ACACA: variants seen among roughly 807,000 people sequenced by gnomAD.
ACACA encodes acetyl-CoA carboxylase 1.
A neutral mutation model predicts 296.1 loss-of-function variants in ACACA; 103 were observed. The ratio of observed to expected loss-of-function variants is 0.35; its 90% CI spans 0.30 to 0.41. The LOEUF (loss-of-function observed/expected upper bound fraction) is 0.41, where lower values mean the gene tolerates loss of function less well. ACACA is among the 10% of genes least tolerant of loss of function. ACACA has a pLI of 1.00. For synonymous variants in ACACA, 953 were observed against 1,038.6 expected (o/e 0.92, Z 1.58); for missense variants, 1,554 against 2,989.7 (o/e 0.52, Z 11.20).
chr17:37,207,058 AG>A (rs1270938990), intron 31 of ACACA, among the ~76,000 whole-genome samples, 179 bp from the exon 32 acceptor site: 4 of 152,242 alleles, frequency 2.6e-5, no homozygotes, highest in Admixed American at 6.5e-5. Flanking sequence ...AGAAATTAGG[AG>A]GATGGATTGT....
chr17:37,319,394 T>C (rs994750305), intron 3 of ACACA, among the ~76,000 whole-genome samples: 1 of 152,190 alleles, frequency 6.6e-6, no homozygotes, highest in Non-Finnish European at 1.5e-5. Flanking sequence ...TATGAATATA[T>C]ACATATATGC....
chr17:37,199,675 C>A (rs906968349), intron 35 of ACACA, among the ~76,000 whole-genome samples: 2 of 152,058 alleles, frequency 1.3e-5, no homozygotes. Context: ...TCCAAGACCA[C>A]AAAATGCAAC....
At position 37,200,445 on chromosome 17, in the gene ACACA, A is replaced by T; in HGVS notation, c.4095T>A (p.Thr1365=). The T allele has an allele frequency of 6.2e-7, 1 of 1,613,288 alleles. No individual in the cohort carries two copies. The highest frequency in any genetic ancestry group is 8.5e-7 in the Non-Finnish European group (1 of 1,179,220). The change falls in exon 34 of 56, where the codon ACT becomes ACA. Residue 1365 remains threonine, a synonymous_variant. Transcript: ENST00000616317. The part of the protein sequence containing the change: ...TLVDHGIRRL[T]FLVAQKDFRK... ...TCAGTACCTTTTGTGCAACCAGGAA[A>T]GTAAGGCGCCGGATCCCATGGTCAA...
intron 3 of ACACA, among the ~76,000 whole-genome samples, chr17:37,322,729 C>T (rs548481041): frequency 9.2e-5 from 14 of 152,144 alleles, no homozygotes; most frequent in African/African-American, 3.4e-4. Flanking sequence ...AATGGTGGAA[C>T]GACAAGGCAG....
intron 41 of ACACA, among the ~76,000 whole-genome samples, chr17:37,176,841 A>G (rs1312222618): frequency 6.6e-6 from 1 of 152,178 alleles, no homozygotes; most frequent in Non-Finnish European, 1.5e-5. Context: ...CCTATAATCT[A>G]GCTAAGGCCA....
At chr17:37,137,438 CTAT>C (rs2075379814) in intron 45 of ACACA, among the ~76,000 whole-genome samples, 1 of 151,982 alleles carries the variant, frequency 6.6e-6, no homozygotes, top group Non-Finnish European at 1.5e-5. Flanking sequence ...CATGAAAGGC[CTAT>C]TATTGTCTTT....
chr17:37,224,121 G>C (rs2079425881), intron 27 of ACACA, among the ~76,000 whole-genome samples: 1 of 152,220 alleles, frequency 6.6e-6, no homozygotes, highest in South Asian at 2.1e-4. Context: ...AGAATCGCTT[G>C]AACTCAGGAG....
rs2082033029 is a variant in ACACA at position 37,270,776 on chromosome 17, T to A, written c.1094A>T (p.Asp365Val). 1 of 1,613,628 alleles carries A rather than the reference T, an allele frequency of 6.2e-7. No individual in the cohort carries two copies. The highest frequency in any genetic ancestry group is 8.5e-7 in the Non-Finnish European group (1 of 1,179,586). ...CTGTCTGAAGAGATTAGGGAAGTCA[T>A]CTGCATTGTTGACTTTTCTAATTCC... ...GKGIRKVNNA[D>V]DFPNLFRQVQ... is the part of the protein sequence containing the mutation. Residue 365 changes from aspartate to valine, a missense_variant, in exon 10 of 56, where the codon GAT becomes GTT. Asp to Val is a radical substitution (Grantham distance 152). Coordinates refer to ENST00000616317, the MANE Select transcript of ACACA (RefSeq NM_198834.3).
chr17:37,131,801 GAAAGCA>G (rs1214999677), intron 45 of ACACA, among the ~76,000 whole-genome samples: 4 of 152,232 alleles, frequency 2.6e-5, no homozygotes, highest in Admixed American at 6.5e-5. Context: ...AAGGAATATG[GAAAGCA>G]AAATTGCTCT....
chr17:37,258,482 C>T, intron 12 of ACACA, 109 bp from the exon 13 acceptor site: 1 of 1,046,826 alleles, frequency 9.6e-7, no homozygotes, highest in Non-Finnish European at 1.4e-6. Flanking sequence ...CTCCCTAAAA[C>T]ATTCTATTTT....
intron 3 of ACACA, among the ~76,000 whole-genome samples, chr17:37,325,199 CAAAA>C (rs570719773): frequency 1.0e-5 from 1 of 98,442 alleles, no homozygotes; most frequent in Non-Finnish European, 2.1e-5. Flanking sequence ...GACTCCCTCT[CAAAA>C]AAAAAAAAAA....
intron 3 of ACACA, among the ~76,000 whole-genome samples, chr17:37,310,876 C>G (rs537032276): frequency 6.7e-6 from 1 of 150,158 alleles, no homozygotes; most frequent in Non-Finnish European, 1.5e-5. Flanking sequence ...TGAAAGTATT[C>G]AACACTCAAA....
chr17:37,354,617 TAC>T (rs1334003273), intron 1 of ACACA, among the ~76,000 whole-genome samples: 1 of 152,206 alleles, frequency 6.6e-6, no homozygotes, highest in Non-Finnish European at 1.5e-5. Flanking sequence ...CAGTACTCAT[TAC>T]AGTTTTTTAA....
At chr17:37,307,087 T>A (rs539765427) in intron 3 of ACACA, among the ~76,000 whole-genome samples, 1 of 152,360 alleles carries the variant, frequency 6.6e-6, no homozygotes, top group South Asian at 2.1e-4. Context: ...AGTAGTTTGT[T>A]CATTTTCATT....
At chr17:37,207,941 T>C in intron 30 of ACACA, 141 bp from the exon 31 acceptor site, 2 of 878,494 alleles carry the variant, frequency 2.3e-6, no homozygotes, top group South Asian at 1.4e-5. Flanking sequence ...TTACCCACTA[T>C]GGATAAGGTT....
At chr17:37,312,149 G>A (rs1034735741) in intron 3 of ACACA, among the ~76,000 whole-genome samples, 3 of 152,180 alleles carry the variant, frequency 2.0e-5, no homozygotes, top group South Asian at 4.2e-4. Flanking sequence ...TCAGGGAAAT[G>A]GCATTTCAGT....
At chr17:37,378,774 C>T (rs1395830524) in intron 1 of ACACA, among the ~76,000 whole-genome samples, 2 of 150,956 alleles carry the variant, frequency 1.3e-5, no homozygotes, top group African/African-American at 2.4e-5. Flanking sequence ...AGAGCAAACG[C>T]TTCAAGGTCG....
At chr17:37,299,274 A>G in intron 3 of ACACA, 2 of 1,613,608 alleles carry the variant, frequency 1.2e-6, no homozygotes, top group Non-Finnish European at 1.7e-6. Flanking sequence ...GTAGCCTAAC[A>G]CTTACCTTTG....
At chr17:37,375,336 C>A (rs1351081055) in intron 1 of ACACA, among the ~76,000 whole-genome samples, 4 of 151,872 alleles carry the variant, frequency 2.6e-5, no homozygotes, top group Admixed American at 1.3e-4. Context: ...AATACAAAAA[C>A]ATTAGCCAGG....
Sources: gnomAD v4.1 joint callset for allele counts (sites outside exome capture counted in the v4.1 genomes callset) on GRCh38, gnomAD v4.1.1 for gene constraint, MANE v1.5 for transcripts, NCBI Gene and HGNC (gene_info 2026-07-23, HGNC 2026-07-21) for gene names.